Variants in TASP1 observed in about 807,000 individuals in gnomAD.
TASP1 encodes the protein threonine aspartase 1.
Under a neutral mutation model 56.6 loss-of-function variants are expected in TASP1, and 16 were observed. The ratio of observed to expected loss-of-function variants is 0.28; its 90% CI spans 0.19 to 0.43. The LOEUF is 0.43. Ranked by LOEUF, TASP1 falls within the 20% of genes least tolerant of loss-of-function variation. The pLI is 1.00. For missense variants in TASP1, 393 were observed against 511.6 expected (o/e 0.77, Z 2.24); for synonymous variants, 179 against 184.2 (o/e 0.97, Z 0.23).
chr20:13,635,938 T>G (rs983959560), intron 1 of TASP1, among the ~76,000 whole-genome samples: 4 of 150,912 alleles, frequency 2.7e-5, no homozygotes, highest in Middle Eastern at 3.2e-3. Context: ...GATGACACTG[T>G]TTTTTTTTCT....
the TASP1 span, among the ~76,000 whole-genome samples, chr20:13,283,938 A>C: frequency 6.6e-6 from 1 of 152,218 alleles, no homozygotes; most frequent in Non-Finnish European, 1.5e-5. Context: ...GTGGGCCAGA[A>C]TCAAAACTGC....
chr20:13,180,185 C>T, the TASP1 span, among the ~76,000 whole-genome samples: 2 of 152,208 alleles, frequency 1.3e-5, no homozygotes, highest in African/African-American at 4.8e-5. Flanking sequence ...CTTCAGGAAT[C>T]ATGACACTCT....
At chr20:13,544,413 C>T (rs2045731431) in intron 8 of TASP1, among the ~76,000 whole-genome samples, 1 of 152,194 alleles carries the variant, frequency 6.6e-6, no homozygotes, top group African/African-American at 2.4e-5. Context: ...GGTCATCCTT[C>T]ACTGTAATCA....
At chr20:13,225,011 AATT>A in the TASP1 span, among the ~76,000 whole-genome samples, 34 of 132,330 alleles carry the variant, frequency 2.6e-4, no homozygotes, top group African/African-American at 8.6e-4. Context: ...ACGCCCGGCT[AATT>A]TTTTTTTTTT....
chr20:13,348,805 T>C, the TASP1 span, among the ~76,000 whole-genome samples: 1 of 152,196 alleles, frequency 6.6e-6, no homozygotes, highest in Admixed American at 6.5e-5. Flanking sequence ...GATTCATACG[T>C]AAGCTAAGGC....
the TASP1 span, among the ~76,000 whole-genome samples, chr20:13,329,735 T>C: frequency 6.6e-6 from 1 of 152,150 alleles, no homozygotes; most frequent in Non-Finnish European, 1.5e-5. Context: ...CAGTTTTTTT[T>C]TTCTTCCAAT....
At chr20:13,157,636 A>T in the TASP1 span, among the ~76,000 whole-genome samples, 139 of 152,130 alleles carry the variant, frequency 9.1e-4, no homozygotes, top group African/African-American at 3.2e-3. Flanking sequence ...ATCATTGGTG[A>T]TTCAAAAGGC....
At chr20:13,232,488 T>G in the TASP1 span, among the ~76,000 whole-genome samples, 1 of 152,250 alleles carries the variant, frequency 6.6e-6, no homozygotes, top group African/African-American at 2.4e-5. Flanking sequence ...TCCTTTTTAT[T>G]ACCAATTAAT....
At chr20:13,468,715 T>A (rs954754129) in intron 11 of TASP1, among the ~76,000 whole-genome samples, 13 of 152,134 alleles carry the variant, frequency 8.5e-5, no homozygotes, top group African/African-American at 3.1e-4. Context: ...GTGCTTTGAG[T>A]TTACCGTAAC....
At chr20:13,370,470 C>G in the TASP1 span, among the ~76,000 whole-genome samples, 1 of 151,970 alleles carries the variant, frequency 6.6e-6, no homozygotes, top group African/African-American at 2.4e-5. Flanking sequence ...TATGTTTGTA[C>G]ATTTTGAAGT....
chr20:13,345,020 C>T, the TASP1 span, among the ~76,000 whole-genome samples: 9 of 152,168 alleles, frequency 5.9e-5, no homozygotes, highest in Non-Finnish European at 1.2e-4. Flanking sequence ...CCCCCACCTC[C>T]CCAGCCTCCT....
At chr20:13,216,846 T>G in the TASP1 span, among the ~76,000 whole-genome samples, 1 of 151,742 alleles carries the variant, frequency 6.6e-6, no homozygotes, top group Non-Finnish European at 1.5e-5. Context: ...CAGACAGGGG[T>G]AAAAAAGAAA....
chr20:13,327,516 A>G, the TASP1 span, among the ~76,000 whole-genome samples: 2 of 152,226 alleles, frequency 1.3e-5, no homozygotes, highest in African/African-American at 2.4e-5. Context: ...CTAAGCAAAA[A>G]GAACAAAGCT....
At chr20:13,159,717 T>C in the TASP1 span, among the ~76,000 whole-genome samples, 1 of 152,146 alleles carries the variant, frequency 6.6e-6, no homozygotes, top group Admixed American at 6.5e-5. Flanking sequence ...ATCAGCATTT[T>C]CTGCTTGGTG....
intron 13 of TASP1, among the ~76,000 whole-genome samples, chr20:13,398,686 T>C (rs1162936757): frequency 1.3e-5 from 2 of 152,228 alleles, no homozygotes; most frequent in African/African-American, 4.8e-5. Flanking sequence ...AACTAAATGT[T>C]GGAATGTCCA....
the TASP1 span, among the ~76,000 whole-genome samples, chr20:13,311,023 A>G: frequency 6.6e-6 from 1 of 152,130 alleles, no homozygotes; most frequent in Non-Finnish European, 1.5e-5. Flanking sequence ...GTGAAACCCC[A>G]TCTCTACTGA....
chr20:13,144,365 C>G, the TASP1 span, among the ~76,000 whole-genome samples: 1 of 152,186 alleles, frequency 6.6e-6, no homozygotes, highest in Non-Finnish European at 1.5e-5. Flanking sequence ...ATAATAGGTA[C>G]TAAGTAAGTA....
At chr20:13,417,142 C>T (rs528138846) in intron 13 of TASP1, among the ~76,000 whole-genome samples, 6 of 152,306 alleles carry the variant, frequency 3.9e-5, no homozygotes, top group Non-Finnish European at 8.8e-5. Flanking sequence ...ATTTTCTCTT[C>T]CCAAACCCCA....
the TASP1 span, among the ~76,000 whole-genome samples, chr20:13,347,093 G>T: frequency 1.3e-5 from 2 of 152,240 alleles, no homozygotes; most frequent in Non-Finnish European, 2.9e-5. Flanking sequence ...GCATGATCCT[G>T]AAATGACTGC....
Sources: gnomAD v4.1 joint callset for allele counts (sites outside exome capture counted in the v4.1 genomes callset) on GRCh38, gnomAD v4.1.1 for gene constraint, MANE v1.5 for transcripts, NCBI Gene and HGNC (gene_info 2026-07-23, HGNC 2026-07-21) for gene names.